Variants in SYNPO2 observed in about 807,000 individuals in gnomAD.
The protein encoded by SYNPO2 is synaptopodin 2.
SYNPO2 carries 56 observed loss-of-function variants against 85.0 expected under a neutral mutation model. That is an observed-to-expected ratio of 0.66 (90% CI 0.53 to 0.82). SYNPO2 has a LOEUF of 0.82. Among genes scored for constraint, SYNPO2 ranks in the 40% least tolerant of loss-of-function variants. SYNPO2 has a pLI of 0.00. For missense variants in SYNPO2, 1,575 were observed against 1,534.2 expected (o/e 1.03, Z -0.44); for synonymous variants, 602 against 591.1 (o/e 1.02, Z -0.27).
At chr4:118,915,215 G>A (rs1369329123) in intron 1 of SYNPO2, among the ~76,000 whole-genome samples, 2 of 151,924 alleles carry the variant, frequency 1.3e-5, no homozygotes, top group Admixed American at 1.3e-4. Flanking sequence ...ATAAACATAT[G>A]TAATACCAAC....
intron 1 of SYNPO2, among the ~76,000 whole-genome samples, chr4:118,984,869 T>C (rs565120320): frequency 2.6e-5 from 4 of 152,348 alleles, no homozygotes; most frequent in African/African-American, 9.6e-5. Flanking sequence ...TTTCTGAATG[T>C]CATTGGTCCT....
chr4:119,019,975 TAAG>T (rs998482224), intron 1 of SYNPO2, among the ~76,000 whole-genome samples: 5 of 152,172 alleles, frequency 3.3e-5, no homozygotes, highest in Non-Finnish European at 5.9e-5. Flanking sequence ...TTTTCACAAA[TAAG>T]AACATTTCCA....
rs1003802728 is a variant in SYNPO2, at chr4:118,968,515, C to T, written c.106-54915C>T. 5.3e-5 allele frequency among the ~76,000 whole-genome samples: 8 copies of T among 152,182 alleles called. 1 individual carries two copies. The highest frequency in any genetic ancestry group is 3.9e-4 in the East Asian group (2 of 5,194). On this transcript the variant is annotated intron_variant, in intron 1 of 4. Transcript: ENST00000307142. ...ATTTTCTAAATTAGAGCCCAGACTT[C>T]GAAAGGTCACAGCTAAGAAAGCACC...
chr4:118,893,541 A>AT (rs1376151953), intron 1 of SYNPO2, among the ~76,000 whole-genome samples: 3 of 152,164 alleles, frequency 2.0e-5, no homozygotes, highest in Non-Finnish European at 4.4e-5. Flanking sequence ...ATGAGATTTG[A>AT]TTTTTCTTCT....
chr4:118,887,447 T>C (rs1341224917), upstream of SYNPO2, among the ~76,000 whole-genome samples: 71 of 152,202 alleles, frequency 4.7e-4, 1 homozygote. Flanking sequence ...TTGTGGTGGT[T>C]TTGAACTGCA....
At chr4:118,931,698 C>G (rs1171355520) in intron 1 of SYNPO2, among the ~76,000 whole-genome samples, 1 of 152,134 alleles carries the variant, frequency 6.6e-6, no homozygotes, top group Non-Finnish European at 1.5e-5. Flanking sequence ...GAAACCAGCT[C>G]CACACCCAAT....
At chr4:118,912,017 T>G (rs1367717183) in intron 1 of SYNPO2, among the ~76,000 whole-genome samples, 1 of 152,174 alleles carries the variant, frequency 6.6e-6, no homozygotes, top group Non-Finnish European at 1.5e-5. Context: ...CATAAAATCT[T>G]AGAATTTGAA....
intron 1 of SYNPO2, among the ~76,000 whole-genome samples, chr4:118,862,603 A>G (rs1731629356): frequency 1.3e-5 from 2 of 152,134 alleles, no homozygotes; most frequent in African/African-American, 4.8e-5. Flanking sequence ...TTTATCCTTC[A>G]TTCTGCTGAT....
chr4:118,994,240 A>G (rs6815775), intron 1 of SYNPO2, among the ~76,000 whole-genome samples: 12,659 of 152,360 alleles, frequency 0.083, 645 homozygotes, highest in East Asian at 0.12. Flanking sequence ...AAACCCTGCC[A>G]TCAGCGACAG....
chr4:119,039,919 G>C (rs148093334), intron 4 of SYNPO2, among the ~76,000 whole-genome samples: 1 of 152,156 alleles, frequency 6.6e-6, no homozygotes, highest in Non-Finnish European at 1.5e-5. Flanking sequence ...AAGTACATTG[G>C]TAGTGATTAA....
intron 1 of SYNPO2, among the ~76,000 whole-genome samples, chr4:118,953,322 G>T (rs78930238): frequency 6.6e-6 from 1 of 152,060 alleles, no homozygotes; most frequent in African/African-American, 2.4e-5. Flanking sequence ...TACCCTGAAC[G>T]TCTCCCTTCG....
chr4:119,037,315 A>G (rs1294492315), intron 4 of SYNPO2: 3 of 1,294,616 alleles, frequency 2.3e-6, no homozygotes, highest in African/African-American at 3.0e-5. Flanking sequence ...TTTTTAAATC[A>G]AAAGATTGTA....
In SYNPO2 at chr4:118,862,620, T is replaced by C. The variant is rs539980246; in HGVS notation, c.12+11680T>C. ...TATCCTTCATTCTGCTGATATGATATACTGCATTGATTGATTTGCATATGT... is the reference window on the plus strand; with the variant it reads ...TATCCTTCATTCTGCTGATATGATACACTGCATTGATTGATTTGCATATGT... On this transcript the variant is annotated intron_variant, in intron 1 of 4. Coordinates refer to the SYNPO2 transcript ENST00000610556. Among the ~76,000 whole-genome samples, 3 of 152,348 alleles carry C rather than the reference T, an allele frequency of 2.0e-5. No homozygotes were observed. In the East Asian group the frequency reaches 5.8e-4, roughly 29 times the overall value.
chr4:118,952,640 T>C (rs1734739587), intron 1 of SYNPO2, among the ~76,000 whole-genome samples: 1 of 152,124 alleles, frequency 6.6e-6, no homozygotes. Flanking sequence ...ACTGCAAACA[T>C]GAATATTATA....
chr4:119,051,186 ATTT>A (rs369864760), intron 4 of SYNPO2, among the ~76,000 whole-genome samples: 2 of 100,720 alleles, frequency 2.0e-5, no homozygotes, highest in Middle Eastern at 6.9e-3. Flanking sequence ...ATGGGAAGCA[ATTT>A]TTTTTTTTTT....
intron 1 of SYNPO2, among the ~76,000 whole-genome samples, chr4:118,908,117 G>A (rs542962043): frequency 3.8e-4 from 58 of 152,152 alleles, no homozygotes; most frequent in African/African-American, 1.3e-3. Flanking sequence ...AGATATTTAC[G>A]CACTTTTCTG....
intron 1 of SYNPO2, among the ~76,000 whole-genome samples, chr4:118,906,752 G>A (rs1732951150): frequency 6.6e-6 from 1 of 151,570 alleles, no homozygotes; most frequent in Admixed American, 6.6e-5. Flanking sequence ...CTTTTTTTAT[G>A]CCTAAAATGG....
chr4:118,926,993 G>A (rs1449574812), intron 1 of SYNPO2, among the ~76,000 whole-genome samples: 1 of 152,104 alleles, frequency 6.6e-6, no homozygotes, highest in African/African-American at 2.4e-5. Flanking sequence ...CCTGCGTAGG[G>A]CACCCCTGCT....
chr4:118,888,324 G>A (rs1732245693), upstream of SYNPO2, among the ~76,000 whole-genome samples: 1 of 152,132 alleles, frequency 6.6e-6, no homozygotes, highest in Non-Finnish European at 1.5e-5. Context: ...ATATGGTTCA[G>A]AAAGGTACTT....
Sources: allele counts gnomAD v4.1 joint callset (sites outside exome capture counted in the v4.1 genomes callset), GRCh38; gene constraint gnomAD v4.1.1; transcripts MANE v1.5; gene names NCBI Gene and HGNC (gene_info 2026-07-23, HGNC 2026-07-21).